The following CBFA2T3 variants were observed in gnomAD, a reference collection of about 807,000 sequenced individuals.
The protein encoded by CBFA2T3 is transcriptional corepressor CBFA2T3.
In CBFA2T3, 31 loss-of-function variants were observed where a neutral mutation model predicts 58.6. The observed-to-expected ratio is 0.53, with a 90% CI of 0.40 to 0.71. The LOEUF is 0.71. Ranked by LOEUF, CBFA2T3 falls within the 30% of genes least tolerant of loss-of-function variation. CBFA2T3 has a pLI of 0.00. For missense variants in CBFA2T3, 1,076 were observed against 963.1 expected (o/e 1.12, Z -1.55); for synonymous variants, 531 against 421.9 (o/e 1.26, Z -3.17).
At chr16:88,969,379 G>A (rs554419131) in intron 1 of CBFA2T3, among the ~76,000 whole-genome samples, 2 of 152,362 alleles carry the variant, frequency 1.3e-5, no homozygotes, top group African/African-American at 4.8e-5. Flanking sequence ...GTGCCTCCTG[G>A]CCTTGGCAGG....
chr16:88,903,195 T>C (rs971811383), intron 1 of CBFA2T3, among the ~76,000 whole-genome samples: 4 of 152,378 alleles, frequency 2.6e-5, no homozygotes, highest in Non-Finnish European at 4.4e-5. Flanking sequence ...ATAAATGACT[T>C]CTACAGCGAT....
intron 1 of CBFA2T3, among the ~76,000 whole-genome samples, chr16:88,968,983 C>A (rs1430107460): frequency 6.6e-6 from 1 of 152,204 alleles, no homozygotes; most frequent in African/African-American, 2.4e-5. Context: ...AAGATCTGCT[C>A]TCTAAATCTG....
At position 88,975,178 on chromosome 16, in the gene CBFA2T3, A is replaced by ACCCTGGCCCTCTGCTCCTGACCTGCAGC. The variant is rs1567643980; in HGVS notation, c.151+1478_151+1479insGCTGCAGGTCAGGAGCAGAGGGCCAGGG. Among the ~76,000 whole-genome samples, 6 of 46,290 alleles carry ACCCTGGCCCTCTGCTCCTGACCTGCAGC rather than the reference A, an allele frequency of 1.3e-4. No individual in the cohort carries two copies. The Admixed American group carries it at 1.6e-3, about 13-fold the overall frequency. The allele number at this position is 46,290 out of a possible 152,430, so 30.4% of individuals were successfully genotyped here. A position where few individuals can be genotyped will look rare whatever the true frequency, so the allele number is the denominator to read the frequency against. ...GGTCCACCCTGACCCTCTCTGCTCC[A>ACCCTGGCCCTCTGCTCCTGACCTGCAGC]CATCTTTAGCCATGTCAGAGGTCCA... On this transcript the variant is annotated intron_variant, in intron 1 of 11. Coordinates refer to ENST00000268679, the MANE Select transcript of CBFA2T3 (RefSeq NM_005187.6).
intron 1 of CBFA2T3, among the ~76,000 whole-genome samples, chr16:88,916,480 T>A (rs750872753): frequency 2.6e-5 from 4 of 152,118 alleles, no homozygotes; most frequent in Non-Finnish European, 5.9e-5. Context: ...GCGTGTGTAT[T>A]CCTGTGTGTA....
chr16:88,942,252 T>G (rs1019241635), intron 1 of CBFA2T3, among the ~76,000 whole-genome samples: 2 of 152,116 alleles, frequency 1.3e-5, no homozygotes, highest in African/African-American at 2.4e-5. Context: ...CTTAGTACAT[T>G]TTAGTAAAAT....
chr16:88,919,776 G>T (rs1970852395), intron 1 of CBFA2T3, among the ~76,000 whole-genome samples: 1 of 152,308 alleles, frequency 6.6e-6, no homozygotes, highest in Admixed American at 6.5e-5. Flanking sequence ...TGGAAAGTCA[G>T]TGTCGCTCCA....
At chr16:88,925,077 A>G (rs1971042017) in intron 1 of CBFA2T3, among the ~76,000 whole-genome samples, 1 of 152,194 alleles carries the variant, frequency 6.6e-6, no homozygotes, top group South Asian at 2.1e-4. Context: ...GTGGAGAGAG[A>G]GGGACCCGCC....
chr16:88,943,082 A>G (rs537608510), intron 1 of CBFA2T3, among the ~76,000 whole-genome samples: 1 of 152,370 alleles, frequency 6.6e-6, no homozygotes, highest in South Asian at 2.1e-4. Context: ...CTAAGAAAGG[A>G]AAACATTCTG....
chr16:88,913,907 C>T (rs1428616890), intron 1 of CBFA2T3, among the ~76,000 whole-genome samples: 1 of 152,130 alleles, frequency 6.6e-6, no homozygotes, highest in Non-Finnish European at 1.5e-5. Context: ...GTCACAGCTG[C>T]TGGAATAGCC....
intron 1 of CBFA2T3, among the ~76,000 whole-genome samples, chr16:88,905,767 G>A (rs1171579033): frequency 6.7e-6 from 1 of 148,302 alleles, no homozygotes; most frequent in Non-Finnish European, 1.5e-5. Context: ...AAGGACGGTG[G>A]GGATGAGGGG....
intron 1 of CBFA2T3, among the ~76,000 whole-genome samples, chr16:88,976,031 A>T (rs1972851278): frequency 6.6e-6 from 1 of 152,172 alleles, no homozygotes; most frequent in African/African-American, 2.4e-5. Context: ...TTGTCCTGGG[A>T]CTTCGCAGGC....
At chr16:88,956,039 G>T (rs1433201005) in intron 1 of CBFA2T3, among the ~76,000 whole-genome samples, 2 of 152,216 alleles carry the variant, frequency 1.3e-5, no homozygotes, top group East Asian at 3.8e-4. Context: ...CCCCACCCAG[G>T]GCTCCCGACC....
chr16:88,892,145 TCAGCGTGGAGC>T, intron 4 of CBFA2T3, 88 bp downstream of exon 4: 1 of 1,463,034 alleles, frequency 6.8e-7, no homozygotes, highest in Non-Finnish European at 9.4e-7. Flanking sequence ...CGCCCGGTTG[TCAGCGTGGAGC>T]CCATGTAAGG....
At chr16:88,914,096 C>A (rs1245177043) in intron 1 of CBFA2T3, among the ~76,000 whole-genome samples, 1 of 152,212 alleles carries the variant, frequency 6.6e-6, no homozygotes, top group East Asian at 1.9e-4. Context: ...AAAGGACAGG[C>A]CCACCAAGTA....
At chr16:88,913,536 G>A (rs572903219) in intron 1 of CBFA2T3, among the ~76,000 whole-genome samples, 54 of 152,324 alleles carry the variant, frequency 3.5e-4, no homozygotes, top group African/African-American at 1.2e-3. Context: ...TGAGAGGGAG[G>A]CTGGGAAGCT....
chr16:88,898,965 G>T (rs371099720), intron 2 of CBFA2T3, among the ~76,000 whole-genome samples: 4 of 152,166 alleles, frequency 2.6e-5, no homozygotes, highest in African/African-American at 9.7e-5. Flanking sequence ...TCTCTGTCAT[G>T]GGGGTAATCA....
Position 88,885,080 on chromosome 16 carries a change from G to A in CBFA2T3, c.1083C>T (p.Asp361=), listed in dbSNP as rs375093204. 1 of 1,601,990 alleles carries A rather than the reference G, an allele frequency of 6.2e-7. No homozygotes were observed. The highest frequency in any genetic ancestry group is 8.5e-7 in the Non-Finnish European group (1 of 1,177,662). Residue 361 remains aspartate, a synonymous_variant, in exon 7 of 12, where the codon GAC becomes GAT. Coordinates refer to ENST00000268679, the MANE Select transcript of CBFA2T3 (RefSeq NM_005187.6). The surrounding 1 kb of genome is among the most constrained non-coding windows in gnomAD (Gnocchi z 5.3). ...HHFRDAYRHP[D]PRELRERHRP... is the part of the protein sequence containing the mutation. ...GATGGCGCTCTCGTAGCTCCCGGGG[G>A]TCTGGGTGGCGGTAGGCATCTCGGA...
intron 1 of CBFA2T3, among the ~76,000 whole-genome samples, chr16:88,972,555 A>G (rs996382692): frequency 6.6e-6 from 1 of 152,168 alleles, no homozygotes; most frequent in African/African-American, 2.4e-5. Context: ...GCTTTCTGCC[A>G]TGACTGACCC....
Position 88,902,255 on chromosome 16 carries a change from G to A in CBFA2T3, c.152-599C>T, listed in dbSNP as rs886310001. Reference sequence around the variant, plus strand: ...GGCCGGCAGGCAGGCCATTTAGGGCGGCAAAACCTCTATTTTAACCGTCTT... The same window carrying A: ...GGCCGGCAGGCAGGCCATTTAGGGCAGCAAAACCTCTATTTTAACCGTCTT... On this transcript the variant is annotated intron_variant, in intron 1 of 11. Transcript: ENST00000268679. Among the ~76,000 whole-genome samples the A allele has an allele frequency of 3.3e-5, 5 of 152,324 alleles. No individual in the cohort carries two copies. In the East Asian group the frequency reaches 5.8e-4, roughly 18 times the overall value.
Sources: gnomAD v4.1 joint callset for allele counts (sites outside exome capture counted in the v4.1 genomes callset) on GRCh38, gnomAD v4.1.1 for gene constraint, Gnocchi (gnomAD v3.1) non-coding constraint, MANE v1.5 for transcripts, NCBI Gene and HGNC (gene_info 2026-07-23, HGNC 2026-07-21) for gene names.